Variants in SPAG16 observed in about 807,000 individuals in gnomAD.
The protein encoded by SPAG16 is sperm-associated antigen 16 protein.
SPAG16 carries 86 observed loss-of-function variants against 80.4 expected under a neutral mutation model. The observed-to-expected ratio is 1.07, with a 90% confidence interval of 0.90 to 1.28. The LOEUF (loss-of-function observed/expected upper bound fraction) is 1.28. SPAG16 is among the 50% of genes most tolerant of loss of function. The probability of loss-of-function intolerance (pLI) is 0.00; values close to 1 mark genes in which losing one functional copy is unlikely to be tolerated. For missense variants in SPAG16, 870 were observed against 765.3 expected, an observed-to-expected ratio of 1.14 and a Z score of -1.61; for synonymous variants, 294 against 265.9, an observed-to-expected ratio of 1.11 and a Z score of -1.03.
chr2:213,588,620 G>GT (rs2060556188), intron 10 of SPAG16, among the ~76,000 whole-genome samples: 2 of 150,040 alleles, frequency 1.3e-5, no homozygotes, highest in African/African-American at 4.9e-5. Flanking sequence ...GGCTAACAAG[G>GT]TGAAACCCCG....
chr2:213,929,257 G>T (rs529105247), intron 11 of SPAG16, among the ~76,000 whole-genome samples: 1 of 151,648 alleles, frequency 6.6e-6, no homozygotes. Flanking sequence ...CAGGCGATTC[G>T]CCTGCCTCGG....
intron 15 of SPAG16, among the ~76,000 whole-genome samples, chr2:214,359,255 A>C (rs1699015868): frequency 6.6e-6 from 1 of 151,802 alleles, no homozygotes; most frequent in African/African-American, 2.4e-5. Flanking sequence ...AATCTTAGAG[A>C]AGTTAATTTT....
At chr2:214,375,362 T>C (rs1052919786) in intron 15 of SPAG16, among the ~76,000 whole-genome samples, 9 of 152,180 alleles carry the variant, frequency 5.9e-5, no homozygotes, top group African/African-American at 2.2e-4. Flanking sequence ...CAATAACCAG[T>C]TTACGAAGTA....
chr2:213,766,557 T>G (rs916512589), intron 10 of SPAG16, among the ~76,000 whole-genome samples: 1 of 152,220 alleles, frequency 6.6e-6, no homozygotes, highest in Non-Finnish European at 1.5e-5. Context: ...CTTACTGCTA[T>G]GCTGTAAGCA....
intron 15 of SPAG16, among the ~76,000 whole-genome samples, chr2:214,188,964 T>G (rs1347244246): frequency 2.0e-5 from 3 of 152,080 alleles, no homozygotes; most frequent in Non-Finnish European, 4.4e-5. Flanking sequence ...CAGGTAACAT[T>G]TTATACATAG....
At chr2:213,807,522 A>T (rs1311306911) in intron 10 of SPAG16, among the ~76,000 whole-genome samples, 1 of 152,092 alleles carries the variant, frequency 6.6e-6, no homozygotes, top group African/African-American at 2.4e-5. Flanking sequence ...CCCTTTCTTC[A>T]TGAGACTGAC....
intron 15 of SPAG16, among the ~76,000 whole-genome samples, chr2:214,286,153 G>A (rs929162216): frequency 6.6e-6 from 1 of 152,136 alleles, no homozygotes; most frequent in African/African-American, 2.4e-5. Flanking sequence ...AGAGTAGAAT[G>A]GTGGTTGCTG....
Position 214,192,529 on chromosome 2 carries a change from A to G in SPAG16, c.1720+43263A>G, listed in dbSNP as rs571322199. Reference sequence around the variant, plus strand: ...TCACAGAGTTTATTTAGCTGTGTTTAGCTATGCTTTTGTAATGTATTCTTT... The same window carrying G: ...TCACAGAGTTTATTTAGCTGTGTTTGGCTATGCTTTTGTAATGTATTCTTT... On this transcript the variant is annotated intron_variant, in intron 15 of 15. Coordinates refer to ENST00000331683, the MANE Select transcript of SPAG16 (RefSeq NM_024532.5). 2.6e-5 allele frequency among the ~76,000 whole-genome samples: 4 copies of G among 152,226 alleles called. No individual in the cohort carries two copies. In the South Asian group the frequency reaches 8.3e-4, roughly 32 times the overall value.
At chr2:214,098,310 G>T (rs1025619498) in intron 13 of SPAG16, among the ~76,000 whole-genome samples, 1 of 152,022 alleles carries the variant, frequency 6.6e-6, no homozygotes, top group Non-Finnish European at 1.5e-5. Context: ...GGGTTGAATT[G>T]TGTCCCCTTA....
intron 15 of SPAG16, among the ~76,000 whole-genome samples, chr2:214,279,777 A>G (rs1282168618): frequency 6.6e-6 from 1 of 152,240 alleles, no homozygotes; most frequent in Non-Finnish European, 1.5e-5. Flanking sequence ...AAGCCATAAA[A>G]TAAGTCTTAG....
chr2:213,835,011 G>A (rs2073997539), intron 10 of SPAG16, among the ~76,000 whole-genome samples: 1 of 152,086 alleles, frequency 6.6e-6, no homozygotes, highest in South Asian at 2.1e-4. Context: ...CTCTATCCCA[G>A]TTTCCTGATC....
At chr2:213,776,832 C>T (rs1362521707) in intron 10 of SPAG16, among the ~76,000 whole-genome samples, 3 of 121,486 alleles carry the variant, frequency 2.5e-5, no homozygotes, top group Admixed American at 9.3e-5. Flanking sequence ...TGCCACCCCC[C>T]CCCCACCCCA....
intron 15 of SPAG16, among the ~76,000 whole-genome samples, chr2:214,163,735 GC>G (rs957597594): frequency 2.0e-5 from 3 of 151,776 alleles, no homozygotes; most frequent in African/African-American, 7.3e-5. Flanking sequence ...CACAGGTTAG[GC>G]AAACAGTCTA....
intron 15 of SPAG16, among the ~76,000 whole-genome samples, chr2:214,389,647 C>A (rs1321637187): frequency 6.6e-6 from 1 of 152,166 alleles, no homozygotes; most frequent in Non-Finnish European, 1.5e-5. Context: ...AGAGAACAAG[C>A]TTAATAGAGA....
intron 10 of SPAG16, among the ~76,000 whole-genome samples, chr2:213,716,660 A>G (rs764487625): frequency 7.9e-5 from 12 of 152,156 alleles, no homozygotes; most frequent in Non-Finnish European, 1.5e-4. Flanking sequence ...TCTTTAACCT[A>G]TCATTTCTAA....
In SPAG16 at chr2:214,352,558, C is replaced by CTGTGTGTGTGTGTGTG. The variant is rs761835945; in HGVS notation, c.1721-57580_1721-57565dup. ...GCTTTTTGTCCTTGACTTTTTTTCT[C>CTGTGTGTGTGTGTGTG]TGTGTGTGTGTGTGTGTATGTGTGA... On this transcript the variant is annotated intron_variant, in intron 15 of 15. Transcript: ENST00000331683. 3.8e-3 allele frequency among the ~76,000 whole-genome samples: 540 copies of CTGTGTGTGTGTGTGTG among 142,318 alleles called. 2 individuals are homozygous for CTGTGTGTGTGTGTGTG. Among genetic ancestry groups the CTGTGTGTGTGTGTGTG allele is most frequent in the East Asian group, 8.2e-3 (39 of 4,752 alleles). The allele number at this position is 142,318 out of a possible 152,430, so 93.4% of individuals were successfully genotyped here. A position where few individuals can be genotyped will look rare whatever the true frequency, so the allele number is the denominator to read the frequency against.
At chr2:213,789,176 G>C (rs1331630453) in intron 10 of SPAG16, among the ~76,000 whole-genome samples, 1 of 151,842 alleles carries the variant, frequency 6.6e-6, no homozygotes, top group Non-Finnish European at 1.5e-5. Context: ...TTCAATAAGT[G>C]TACTCATTTA....
At chr2:213,431,143 T>TAAC (rs1394766447) in intron 9 of SPAG16, among the ~76,000 whole-genome samples, 1 of 151,928 alleles carries the variant, frequency 6.6e-6, no homozygotes, top group Admixed American at 6.6e-5. Flanking sequence ...TCAGGTTTTA[T>TAAC]AACACAATTA....
At chr2:214,239,326 C>G (rs1268830469) in intron 15 of SPAG16, 1 of 152,188 alleles carries the variant, frequency 6.6e-6, no homozygotes, top group Non-Finnish European at 1.5e-5. Context: ...CAGCCTTAAT[C>G]ATTTTTAGTG....
Sources: allele counts gnomAD v4.1 joint callset (sites outside exome capture counted in the v4.1 genomes callset), GRCh38; gene constraint gnomAD v4.1.1; transcripts MANE v1.5; gene names NCBI Gene and HGNC (gene_info 2026-07-23, HGNC 2026-07-21).